The following SHCBP1L variants were observed in gnomAD, a reference collection of about 807,000 sequenced individuals.
SHCBP1L encodes the protein SHC binding and spindle associated 1 like.
A neutral mutation model predicts 62.5 loss-of-function variants in SHCBP1L; 67 were observed. The ratio of observed to expected loss-of-function variants is 1.07; its 90% CI spans 0.88 to 1.31. The LOEUF (loss-of-function observed/expected upper bound fraction) is 1.31, where lower values mean the gene tolerates loss of function less well. Among genes scored for constraint, SHCBP1L ranks in the 40% most tolerant of loss-of-function variants. The pLI is 0.00. For missense variants in SHCBP1L, 823 were observed against 809.8 expected, an observed-to-expected ratio of 1.02 and a Z score of -0.20; for synonymous variants, 284 against 289.4, an observed-to-expected ratio of 0.98 and a Z score of 0.19.
At chr1:182,901,720 T>C (rs1187672883) in intron 9 of SHCBP1L, among the ~76,000 whole-genome samples, 1 of 152,202 alleles carries the variant, frequency 6.6e-6, no homozygotes, top group East Asian at 1.9e-4. Context: ...AGGCTCAAAA[T>C]TCTCCACTTC....
chr1:182,902,061 C>CTTTTTTTTTTTTTTTTTTTTAT (rs1156301250), intron 9 of SHCBP1L, among the ~76,000 whole-genome samples: 1 of 127,576 alleles, frequency 7.8e-6, no homozygotes, highest in African/African-American at 2.9e-5. Context: ...CTTTTTTTTT[C>CTTTTTTTTTTTTTTTTTTTTAT]TTTTTTTTTT....
At position 182,945,100 on chromosome 1, in the gene SHCBP1L, A is replaced by T. The variant is rs549873556; in HGVS notation, c.556-4557T>A. On this transcript the variant is annotated intron_variant, in intron 2 of 9. Coordinates refer to ENST00000367547, the MANE Select transcript of SHCBP1L (RefSeq NM_030933.4). ...TGCCTCAGCCTCCCACGTATCTGGG[A>T]CTACAGGCGTGCGCCACCACATCCG... is the stretch of plus-strand genomic sequence containing the variant. Among the ~76,000 whole-genome samples the T allele has an allele frequency of 4.0e-5, 6 of 150,994 alleles. No homozygotes were observed. The South Asian group carries it at 1.3e-3, about 32-fold the overall frequency.
chr1:182,939,442 G>A, intron 4 of SHCBP1L, 25 bp downstream of exon 4: 1 of 1,603,498 alleles, frequency 6.2e-7, no homozygotes. Context: ...CTAATGTGCG[G>A]TATAAGTTTA....
At position 182,951,404 on chromosome 1, in the gene SHCBP1L, A is replaced by G. The variant is rs1651740448; in HGVS notation, c.469T>C (p.Trp157Arg). ...LSEKLKLKDK[W>R]LGVWKTNPSV... ...GGATTAGTCTTCCAGACTCCAAGCC[A>G]TTTGTCTTTCAACTTTAATTTTTCT... The change falls in exon 2 of 10, where the codon TGG (tryptophan) becomes CGG (arginine). Residue 157 changes from tryptophan (W) to arginine (R), a missense_variant. Physicochemically the swap from Trp to Arg is moderately radical, Grantham distance 101. Transcript: ENST00000367547. 1 of 1,609,462 alleles carries G rather than the reference A, an allele frequency of 6.2e-7. No homozygotes were observed. Among genetic ancestry groups the G allele is most frequent in the South Asian group, 1.1e-5 (1 of 90,172 alleles).
chr1:182,947,235 TC>T (rs1304231238), intron 2 of SHCBP1L, among the ~76,000 whole-genome samples: 21 of 91,240 alleles, frequency 2.3e-4, no homozygotes, highest in Admixed American at 1.6e-3. Flanking sequence ...AGACTCTGTC[TC>T]AAAAAAAAAA....
chr1:182,938,978 C>A (rs1014586891), intron 5 of SHCBP1L, among the ~76,000 whole-genome samples, 198 bp downstream of exon 5: 3 of 151,282 alleles, frequency 2.0e-5, no homozygotes, highest in African/African-American at 7.3e-5. Flanking sequence ...TTCTTTTGGT[C>A]AAAAAAAACA....
rs1166296049 is a variant in SHCBP1L at position 182,940,469 on chromosome 1, G to T, written c.630C>A (p.Ser210=). 1 of 1,613,906 alleles carries T rather than the reference G, an allele frequency of 6.2e-7. No individual in the cohort carries two copies. Among genetic ancestry groups the T allele is most frequent in the Admixed American group, 1.7e-5 (1 of 59,990 alleles). ...VTVSVAEPFS[S]NIANIPRDLV... The stretch of plus-strand genomic sequence containing the variant: ...AATCTCTTGGAATATTTGCAATGTT[G>T]GAAGAAAAGGGCTCAGCAACAGAAA... The change falls in exon 3 of 10, where the codon TCC becomes TCA. Residue 210 remains serine, a synonymous_variant. Transcript: ENST00000367547.
At position 182,903,209 on chromosome 1, in the gene SHCBP1L, C is replaced by A. The variant is rs750994191; in HGVS notation, c.1588-48G>T. 2.8e-6 allele frequency: 4 copies of A among 1,417,628 alleles called. No individual in the cohort carries two copies. In the African/African-American group the frequency reaches 5.8e-5, roughly 21 times the overall value. 87.8% of individuals were successfully genotyped at this position (1,417,628 alleles called of 1,614,324 possible). ...ACTATCTACAAAATATATACACAAACCTCTCTCCAAAATCTTTAGACTTGA... is the reference window on the plus strand; with the variant it reads ...ACTATCTACAAAATATATACACAAAACTCTCTCCAAAATCTTTAGACTTGA... On this transcript the variant is annotated intron_variant, in intron 8 of 9. Transcript: ENST00000367547.
At chr1:182,906,137 T>C (rs756128009) in intron 6 of SHCBP1L, among the ~76,000 whole-genome samples, 1 of 152,108 alleles carries the variant, frequency 6.6e-6, no homozygotes, top group Non-Finnish European at 1.5e-5. Flanking sequence ...GGTTTCTCCA[T>C]GTTGGCCAGG....
At chr1:182,950,264 A>G (rs1012382803) in intron 2 of SHCBP1L, among the ~76,000 whole-genome samples, 3 of 152,202 alleles carry the variant, frequency 2.0e-5, no homozygotes, top group Non-Finnish European at 2.9e-5. Flanking sequence ...ATTAATTTCT[A>G]TATAAGGATA....
intron 6 of SHCBP1L, among the ~76,000 whole-genome samples, chr1:182,926,932 C>A (rs1650770653): frequency 6.6e-6 from 1 of 151,136 alleles, no homozygotes; most frequent in South Asian, 2.1e-4. Flanking sequence ...CCCAATTTTA[C>A]ATATGAGAAA....
chr1:182,944,957 CTTTTTTTTTTTTT>C (rs11309339), intron 2 of SHCBP1L, among the ~76,000 whole-genome samples: 2 of 109,076 alleles, frequency 1.8e-5, no homozygotes, highest in South Asian at 3.0e-4. Context: ...TTCTTTCTTT[CTTTTTTTTTTTTT>C]TTTTTTTTGA....
intron 2 of SHCBP1L, chr1:182,942,382 G>A (rs1319737936): frequency 1.0e-4 from 77 of 744,920 alleles, no homozygotes; most frequent in African/African-American, 1.7e-5. Context: ...CTTCGGCGGA[G>A]CTGACCTTCC....
At chr1:182,909,654 T>C (rs1315437715) in intron 6 of SHCBP1L, among the ~76,000 whole-genome samples, 1 of 152,186 alleles carries the variant, frequency 6.6e-6, no homozygotes, top group Non-Finnish European at 1.5e-5. Context: ...GAGCAGACTT[T>C]GAATTTTGTA....
intron 6 of SHCBP1L, among the ~76,000 whole-genome samples, chr1:182,924,721 A>AAGGG (rs1557996640): frequency 8.8e-5 from 6 of 68,522 alleles, no homozygotes; most frequent in African/African-American, 7.8e-4. Context: ...AGAAAGAAAG[A>AAGGG]AAGAAAGAAA....
At chr1:182,934,716 A>G (rs1651112070) in intron 5 of SHCBP1L, among the ~76,000 whole-genome samples, 1 of 152,078 alleles carries the variant, frequency 6.6e-6, no homozygotes, top group Non-Finnish European at 1.5e-5. Context: ...CTCTCACATA[A>G]CATACAGTAT....
intron 6 of SHCBP1L, among the ~76,000 whole-genome samples, chr1:182,918,177 T>C (rs1226804725): frequency 5.5e-5 from 8 of 146,328 alleles, no homozygotes; most frequent in Admixed American, 1.4e-4. Flanking sequence ...CACACATATA[T>C]ACATATATAT....
chr1:182,909,603 C>CA (rs534673183), intron 6 of SHCBP1L, among the ~76,000 whole-genome samples: 54 of 152,208 alleles, frequency 3.5e-4, no homozygotes, highest in African/African-American at 1.3e-3. Flanking sequence ...AAACACACAT[C>CA]AAAATACAGT....
intron 6 of SHCBP1L, among the ~76,000 whole-genome samples, chr1:182,924,288 G>A (rs1171146578): frequency 6.7e-6 from 1 of 149,586 alleles, no homozygotes; most frequent in Admixed American, 6.6e-5. Flanking sequence ...TCAAGAATAA[G>A]AAGAATCAAT....
Sources: allele counts gnomAD v4.1 joint callset (sites outside exome capture counted in the v4.1 genomes callset), GRCh38; gene constraint gnomAD v4.1.1; transcripts MANE v1.5; gene names NCBI Gene and HGNC (gene_info 2026-07-23, HGNC 2026-07-21).